PCSK5: variants seen among roughly 807,000 people sequenced by gnomAD.
PCSK5 encodes the protein proprotein convertase subtilisin/kexin type 5, also known as prohormone convertase 5.
In PCSK5, 129 loss-of-function variants were observed where a neutral mutation model predicts 233.2. The ratio of observed to expected loss-of-function variants is 0.55; its 90% confidence interval spans 0.48 to 0.64. PCSK5 has a LOEUF of 0.64. Ranked by LOEUF, PCSK5 falls within the 30% of genes least tolerant of loss-of-function variation. The probability of loss-of-function intolerance (pLI) is 0.00; values close to 1 mark genes in which losing one functional copy is unlikely to be tolerated. For missense variants in PCSK5, 2,076 were observed against 2,430.1 expected, an observed-to-expected ratio of 0.85 and a Z score of 3.06; for synonymous variants, 825 against 879.2, an observed-to-expected ratio of 0.94 and a Z score of 1.09.
intron 5 of PCSK5, among the ~76,000 whole-genome samples, chr9:76,034,914 G>A (rs1430015448): frequency 1.3e-5 from 2 of 152,144 alleles, no homozygotes; most frequent in African/African-American, 2.4e-5. Context: ...AATTGAAGTT[G>A]CTGACCGATT....
intron 27 of PCSK5, among the ~76,000 whole-genome samples, chr9:76,298,741 G>C (rs17062398): frequency 0.11 from 16,918 of 152,216 alleles, 1,340 homozygotes; most frequent in African/African-American, 0.22. Flanking sequence ...ATGGAAAGCA[G>C]ATTGCAGTCA....
Position 76,071,894 on chromosome 9 carries a change from G to A in PCSK5, c.890G>A (p.Arg297Lys). The change falls in exon 7 of 38, where the codon AGA (arginine) becomes AAA (lysine). Residue 297 changes from arginine to lysine, a missense_variant. By Grantham distance (26) the Arg-to-Lys change is conservative. Transcript: ENST00000674117. ...CGGCAAGCCTTTGAAAACGGCGTTAGAATGGTAGGTTTTAAAAGCATGGAG... is the reference window on the plus strand; with the variant it reads ...CGGCAAGCCTTTGAAAACGGCGTTAAAATGGTAGGTTTTAAAAGCATGGAG... Reference protein sequence around the residue: ...LTRQAFENGVRMGRRGLGSVF... With the variant: ...LTRQAFENGVKMGRRGLGSVF... 1 of 1,613,890 alleles carries A rather than the reference G, an allele frequency of 6.2e-7. No homozygotes were observed. Among genetic ancestry groups the A allele is most frequent in the Admixed American group, 1.7e-5 (1 of 59,980 alleles).
chr9:76,047,100 CTTTT>C (rs61399433), intron 5 of PCSK5, among the ~76,000 whole-genome samples: 1 of 143,350 alleles, frequency 7.0e-6, no homozygotes. Flanking sequence ...TCAAGGAAAT[CTTTT>C]TTTTTTTTTT....
intron 2 of PCSK5, among the ~76,000 whole-genome samples, chr9:75,965,534 C>G (rs1252227912): frequency 1.3e-5 from 2 of 152,126 alleles, no homozygotes; most frequent in Non-Finnish European, 2.9e-5. Flanking sequence ...ATCCTCCCTT[C>G]TTCTGCTTTT....
intron 5 of PCSK5, among the ~76,000 whole-genome samples, chr9:76,040,377 C>CTCTCTCTCTCTCTCTG (rs1829058505): frequency 5.0e-5 from 3 of 59,848 alleles, no homozygotes; most frequent in Non-Finnish European, 9.1e-5. Flanking sequence ...CTCTCTCTCT[C>CTCTCTCTCTCTCTCTG]TCTCTCTGTC....
At chr9:76,185,565 TTTAGATTAA>T (rs1257357206) in intron 17 of PCSK5, among the ~76,000 whole-genome samples, 1 of 152,250 alleles carries the variant, frequency 6.6e-6, no homozygotes, top group Non-Finnish European at 1.5e-5. Context: ...ATCATTTTCA[TTTAGATTAA>T]TTATCTATGG....
In PCSK5 at chr9:76,310,715, G is replaced by A. The variant is rs764311048; in HGVS notation, c.3748G>A (p.Val1250Ile). 3.2e-5 allele frequency: 51 copies of A among 1,611,350 alleles called. No homozygotes were observed. The East Asian group carries it at 5.4e-4, about 17-fold the overall frequency. ...CTGTCCCCAAGGCACATGGCCTTCC[G>A]TAAGGAGTGGGAGCTGCGAGAACTG... Reference protein sequence around the residue: ...SSCPQGTWPSVRSGSCENCTE... With the variant: ...SSCPQGTWPSIRSGSCENCTE... Residue 1250 changes from valine to isoleucine, a missense_variant, in exon 30 of 38, where the codon GTA (valine) becomes ATA (isoleucine). By Grantham distance (29) the Val-to-Ile change is conservative (BLOSUM62 3). Around this residue, in one of 6 missense-constraint regions of PCSK5, gnomAD observed 1,510 missense variants for 1,538.1 expected, o/e 0.98. Coordinates refer to ENST00000674117, the MANE Select transcript of PCSK5 (RefSeq NM_001372043.1).
intron 24 of PCSK5, among the ~76,000 whole-genome samples, chr9:76,289,496 C>CGCGCA (rs1431132283): frequency 1.5e-5 from 2 of 134,914 alleles, no homozygotes; most frequent in Admixed American, 7.4e-5. Context: ...CACACACACA[C>CGCGCA]ACACACACAC....
At chr9:76,233,335 T>G in intron 21 of PCSK5, 125 bp from the exon 22 acceptor site, 1 of 882,812 alleles carries the variant, frequency 1.1e-6, no homozygotes, top group Admixed American at 2.2e-5. Context: ...CTCCCAGGCA[T>G]CCCCCTTGTT....
chr9:75,897,489 CTTTTTTT>C (rs58504698), intron 1 of PCSK5, among the ~76,000 whole-genome samples: 1 of 119,630 alleles, frequency 8.4e-6, no homozygotes, highest in Non-Finnish European at 1.6e-5. Flanking sequence ...TCTTTCTTTT[CTTTTTTT>C]TTTTTTTTTT....
chr9:75,991,132 C>A lies in PCSK5; in HGVS notation c.411+4887C>A, dbSNP rs374734979. ...AAATGAAAGCAAAGAAAAGTTAAGT[C>A]ACCAGCCCAAAGTCACACCATTTAC... On this transcript the variant is annotated intron_variant, in intron 3 of 37. Coordinates refer to ENST00000674117, the MANE Select transcript of PCSK5 (RefSeq NM_001372043.1). Among the ~76,000 whole-genome samples, 102 of 152,242 alleles carry A rather than the reference C, an allele frequency of 6.7e-4. 3 individuals are homozygous for A. The South Asian group carries it at 0.021, about 31-fold the overall frequency.
Position 76,200,836 on chromosome 9 carries a change from C to A in PCSK5, c.2626+11090C>A, listed in dbSNP as rs565736602. The stretch of plus-strand genomic sequence containing the variant: ...GTGGGGTCAACCGGTAAAGAACCTT[C>A]GCTGGACTGTTTCCCTTCCTCCACC... On this transcript the variant is annotated intron_variant, in intron 20 of 37. Transcript: ENST00000674117. Among the ~76,000 whole-genome samples, 96 of 152,236 alleles carry A rather than the reference C, an allele frequency of 6.3e-4. 1 individual carries two copies. The highest frequency in any genetic ancestry group is 1.2e-3 in the Non-Finnish European group (84 of 67,996).
chr9:76,102,885 T>C (rs1587630626), intron 8 of PCSK5, among the ~76,000 whole-genome samples: 1 of 152,212 alleles, frequency 6.6e-6, no homozygotes, highest in East Asian at 1.9e-4. Flanking sequence ...AGCAAATAAA[T>C]ATTGTGCCTC....
At chr9:75,891,993 T>A (rs1448324033) in intron 1 of PCSK5, among the ~76,000 whole-genome samples, 1 of 152,040 alleles carries the variant, frequency 6.6e-6, no homozygotes, top group African/African-American at 2.4e-5. Context: ...ACCTCTAGGC[T>A]TTCTCGCCTT....
intron 1 of PCSK5, among the ~76,000 whole-genome samples, chr9:75,905,361 T>G (rs1353962808): frequency 1.3e-5 from 2 of 151,700 alleles, no homozygotes; most frequent in Non-Finnish European, 2.9e-5. Flanking sequence ...AAGAAAAAAA[T>G]AAAAATAAAA....
chr9:76,268,587 T>G (rs1827413077), intron 24 of PCSK5, among the ~76,000 whole-genome samples: 1 of 152,204 alleles, frequency 6.6e-6, no homozygotes, highest in Non-Finnish European at 1.5e-5. Flanking sequence ...CTCATGCCTA[T>G]AATCCCAACA....
At chr9:76,215,270 CA>C (rs1825479994) in intron 20 of PCSK5, among the ~76,000 whole-genome samples, 1 of 152,092 alleles carries the variant, frequency 6.6e-6, no homozygotes, top group Admixed American at 6.5e-5. Flanking sequence ...GCCTTGAAAG[CA>C]AAAAGAAGTC....
Position 76,184,746 on chromosome 9 carries a change from G to A in PCSK5, c.2271G>A (p.Arg757=). The A allele has an allele frequency of 6.2e-7, 1 of 1,600,850 alleles. No individual in the cohort carries two copies. The highest frequency in any genetic ancestry group is 2.2e-5 in the East Asian group (1 of 44,644). ...CTEFHNCTEC[R]DGLSLQGSRC... ...AATTCCATAACTGTACAGAATGTAG[G>A]GATGGGTTAAGGTAAGAGAGTGAAG... Residue 757 remains arginine (R), a synonymous_variant, in exon 17 of 38, where the codon AGG becomes AGA. Transcript: ENST00000674117.
intron 10 of PCSK5, among the ~76,000 whole-genome samples, chr9:76,151,237 A>T (rs1823661154): frequency 6.6e-6 from 1 of 152,212 alleles, no homozygotes; most frequent in Non-Finnish European, 1.5e-5. Context: ...CTAGGACTGC[A>T]ACAGCTGCAG....
Sources: allele counts gnomAD v4.1 joint callset (sites outside exome capture counted in the v4.1 genomes callset), GRCh38; gene constraint gnomAD v4.1.1; regional missense constraint gnomAD v4.1.1; transcripts MANE v1.5; gene names NCBI Gene and HGNC (gene_info 2026-07-23, HGNC 2026-07-21).